Variants in CREBRF observed in about 807,000 individuals in gnomAD.
CREBRF encodes the protein UPF0474 protein C5orf41.
Under a neutral mutation model 66.1 loss-of-function variants are expected in CREBRF, and 5 were observed. The observed-to-expected ratio is 0.08, with a 90% CI of 0.04 to 0.16. The LOEUF (loss-of-function observed/expected upper bound fraction) is 0.16. Among genes scored for constraint, CREBRF ranks in the 10% least tolerant of loss-of-function variants. The probability of loss-of-function intolerance (pLI) is 1.00; values close to 1 mark genes in which losing one functional copy is unlikely to be tolerated. For synonymous variants in CREBRF, 229 were observed against 264.4 expected (o/e 0.87, Z 1.30); for missense variants, 531 against 744.9 (o/e 0.71, Z 3.34).
Position 173,080,617 on chromosome 5 carries a change from C to T in CREBRF, c.-159C>T. 1.6e-6 allele frequency: 1 copy of T among 628,050 alleles called. No homozygotes were observed. The allele number at this position is 628,050 out of a possible 1,614,324, so 38.9% of individuals were successfully genotyped here. ...CGCACAGAATTATTTTAAAAAAAAG[C>T]AGTGATCCAAGCAATTGAATTGGAA... On this transcript the variant is annotated 5_prime_UTR_variant, in exon 2 of 9. Transcript: ENST00000296953.
chr5:173,063,256 A>C (rs1253545228), intron 1 of CREBRF, among the ~76,000 whole-genome samples: 1 of 152,204 alleles, frequency 6.6e-6, no homozygotes, highest in Non-Finnish European at 1.5e-5. Flanking sequence ...AACTCTTGGC[A>C]ACATAAATCA....
At chr5:173,108,946 C>G (rs1758810812) in intron 5 of CREBRF, 128 bp downstream of exon 5, 5 of 758,712 alleles carry the variant, frequency 6.6e-6, no homozygotes, top group Non-Finnish European at 1.1e-5. Context: ...GACTGTAGAG[C>G]TGCTACATTT....
chr5:173,085,835 T>C (rs1581675458), intron 2 of CREBRF: 2 of 785,438 alleles, frequency 2.5e-6, no homozygotes, highest in East Asian at 4.9e-5. Flanking sequence ...CTGTTTGTTC[T>C]TGGCAAGTTT....
intron 2 of CREBRF, 80 bp from the exon 3 acceptor site, chr5:173,086,421 G>T: frequency 8.2e-7 from 1 of 1,219,236 alleles, no homozygotes; most frequent in Non-Finnish European, 1.2e-6. Context: ...ACTTAGTGGG[G>T]GTGGGGTTGG....
At chr5:173,093,345 G>A (rs921236265) in intron 4 of CREBRF, among the ~76,000 whole-genome samples, 2 of 152,264 alleles carry the variant, frequency 1.3e-5, no homozygotes, top group East Asian at 3.9e-4. Context: ...ATTGAGGTAT[G>A]TTTGGCAAAT....
chr5:173,115,106 TTC>T (rs1283346227), intron 7 of CREBRF, among the ~76,000 whole-genome samples: 10 of 151,726 alleles, frequency 6.6e-5, no homozygotes, highest in African/African-American at 2.4e-4. Context: ...TCTTTTCTTT[TTC>T]TTTTTTTTTT....
chr5:173,083,052 C>A (rs1758014559), intron 2 of CREBRF, among the ~76,000 whole-genome samples: 1 of 149,748 alleles, frequency 6.7e-6, no homozygotes, highest in Admixed American at 6.7e-5. Flanking sequence ...TATAGTGAAA[C>A]CCCATCTCTA....
At chr5:173,082,926 A>C (rs1414647795) in intron 2 of CREBRF, among the ~76,000 whole-genome samples, 2 of 139,742 alleles carry the variant, frequency 1.4e-5, no homozygotes, top group East Asian at 2.0e-4. Flanking sequence ...AAAAAAAAAA[A>C]AAAAAAAAAA....
intron 5 of CREBRF, chr5:173,110,009 A>ATGTTATTTAT (rs1758836651): frequency 5.1e-6 from 1 of 196,054 alleles, no homozygotes; most frequent in African/African-American, 2.4e-5. Flanking sequence ...TATCAAAGCA[A>ATGTTATTTAT]CAAAAGAAGA....
intron 1 of CREBRF, among the ~76,000 whole-genome samples, chr5:173,074,073 C>T (rs1421046514): frequency 2.6e-5 from 4 of 152,066 alleles, no homozygotes; most frequent in South Asian, 2.1e-4. Context: ...GAGGCTGAGG[C>T]GGGTAGATCA....
At chr5:173,071,024 G>T (rs1415964791) in intron 1 of CREBRF, among the ~76,000 whole-genome samples, 1 of 152,104 alleles carries the variant, frequency 6.6e-6, no homozygotes, top group Admixed American at 6.5e-5. Flanking sequence ...GGAAGCAAGG[G>T]AATAGGAGAG....
intron 1 of CREBRF, chr5:173,057,424 C>T (rs2113640214): frequency 6.6e-6 from 1 of 152,428 alleles, no homozygotes; most frequent in African/African-American, 2.4e-5. Flanking sequence ...CAGGAAGTAG[C>T]TCAGGGGAGC....
chr5:173,111,641 A>G (rs1190329643), intron 6 of CREBRF, among the ~76,000 whole-genome samples: 1 of 152,208 alleles, frequency 6.6e-6, no homozygotes, highest in Non-Finnish European at 1.5e-5. Context: ...GGGATATACT[A>G]CAGTTTATCC....
At chr5:173,102,781 T>A (rs990973939) in intron 4 of CREBRF, among the ~76,000 whole-genome samples, 5 of 152,026 alleles carry the variant, frequency 3.3e-5, no homozygotes, top group African/African-American at 1.2e-4. Flanking sequence ...CAGGGATGGG[T>A]GGGCCCTGAG....
chr5:173,105,807 A>G (rs1302150300), intron 4 of CREBRF, among the ~76,000 whole-genome samples: 2 of 146,210 alleles, frequency 1.4e-5, no homozygotes, highest in East Asian at 2.1e-4. Flanking sequence ...TTTAGTAGAG[A>G]TGGGGTTTCA....
At chr5:173,126,871 A>G (rs1458102672) in intron 8 of CREBRF, among the ~76,000 whole-genome samples, 3 of 151,956 alleles carry the variant, frequency 2.0e-5, no homozygotes, top group Admixed American at 2.0e-4. Flanking sequence ...CTCTGTTTTT[A>G]TATGGGGAAA....
intron 1 of CREBRF, among the ~76,000 whole-genome samples, chr5:173,062,923 A>G (rs529942277): frequency 1.9e-4 from 29 of 151,380 alleles, no homozygotes; most frequent in African/African-American, 5.8e-4. Context: ...AATTTTTTGT[A>G]TTTTTAGTAG....
chr5:173,128,802 AC>A (rs1759334505), intron 8 of CREBRF, among the ~76,000 whole-genome samples: 1 of 151,706 alleles, frequency 6.6e-6, no homozygotes. Context: ...TATTTTTGAG[AC>A]GGAGTCTCGC....
intron 3 of CREBRF, among the ~76,000 whole-genome samples, chr5:173,088,304 G>C (rs1466077640): frequency 9.8e-6 from 1 of 101,764 alleles, no homozygotes; most frequent in Non-Finnish European, 1.8e-5. Context: ...TTTCGCTCCT[G>C]TTGCCCAGGC....
Sources: gnomAD v4.1 joint callset for allele counts (sites outside exome capture counted in the v4.1 genomes callset) on GRCh38, gnomAD v4.1.1 for gene constraint, MANE v1.5 for transcripts, NCBI Gene and HGNC (gene_info 2026-07-23, HGNC 2026-07-21) for gene names.